The following TMOD1 variants were observed in gnomAD, a reference collection of about 807,000 sequenced individuals.
The protein encoded by TMOD1 is tropomodulin 1.
Under a neutral mutation model 40.6 loss-of-function variants are expected in TMOD1, and 17 were observed. The observed-to-expected ratio is 0.42, with a 90% CI of 0.29 to 0.63. The LOEUF (loss-of-function observed/expected upper bound fraction) is 0.63. Ranked by LOEUF, TMOD1 falls within the 20% of genes least tolerant of loss-of-function variation. The pLI is 0.22. For missense variants in TMOD1, 391 were observed against 447.6 expected (o/e 0.87, Z 1.14); for synonymous variants, 181 against 175.0 (o/e 1.03, Z -0.27).
intron 2 of TMOD1, among the ~76,000 whole-genome samples, chr9:97,525,622 C>T (rs1223103955): frequency 6.6e-6 from 1 of 152,220 alleles, no homozygotes. Context: ...TTTCCATTGA[C>T]CCTAATCACA....
chr9:97,520,231 C>A (rs1477004127), intron 1 of TMOD1, among the ~76,000 whole-genome samples: 1 of 152,076 alleles, frequency 6.6e-6, no homozygotes, highest in Admixed American at 6.6e-5. Context: ...AGGGAAGGAA[C>A]TTAGCAAGGG....
At chr9:97,574,831 C>T (rs1355015320) in intron 8 of TMOD1, among the ~76,000 whole-genome samples, 3 of 152,092 alleles carry the variant, frequency 2.0e-5, no homozygotes, top group Non-Finnish European at 2.9e-5. Context: ...CTTTTGTGTC[C>T]ACACTCTGTA....
intron 8 of TMOD1, among the ~76,000 whole-genome samples, chr9:97,588,565 G>A (rs562659651): frequency 2.0e-5 from 3 of 151,990 alleles, no homozygotes; most frequent in African/African-American, 7.3e-5. Context: ...TCTTGTGTCT[G>A]TTGAAGCACA....
chr9:97,595,533 C>CT (rs71487335), intron 9 of TMOD1, among the ~76,000 whole-genome samples: 24,779 of 121,598 alleles, frequency 0.2, 2,449 homozygotes, highest in African/African-American at 0.24. Context: ...AACAAATTTC[C>CT]TTTTTTTTTT....
chr9:97,530,243 A>T (rs929828699), intron 2 of TMOD1, among the ~76,000 whole-genome samples: 12 of 152,212 alleles, frequency 7.9e-5, no homozygotes, highest in African/African-American at 2.9e-4. Context: ...GTAAATATTG[A>T]TTGTTAATGA....
chr9:97,587,525 G>A (rs991842059), intron 8 of TMOD1, among the ~76,000 whole-genome samples: 2 of 151,940 alleles, frequency 1.3e-5, no homozygotes, highest in Non-Finnish European at 2.9e-5. Context: ...ATCCTCTTCA[G>A]TGAATGTCTC....
At chr9:97,579,981 C>T (rs1825708091) in intron 8 of TMOD1, among the ~76,000 whole-genome samples, 2 of 152,178 alleles carry the variant, frequency 1.3e-5, no homozygotes, top group African/African-American at 4.8e-5. Flanking sequence ...TCTCTGTCTG[C>T]ACCAGGTACC....
rs368413031 is a variant in TMOD1, at chr9:97,599,684, C to T, written c.1066C>T (p.Arg356Trp). 3.1e-6 allele frequency: 5 copies of T among 1,613,970 alleles called. No homozygotes were observed. Among genetic ancestry groups the T allele is most frequent in the African/African-American group, 1.3e-5 (1 of 74,908 alleles). Reference protein sequence around the residue: ...DLTGPIIPKCRSGV With the variant: ...DLTGPIIPKCWSGV ...GACTGGGCCCATCATTCCCAAGTGCCGGAGTGGTGTCTAGTGTGTGGCGGT... is the reference window on the plus strand; with the variant it reads ...GACTGGGCCCATCATTCCCAAGTGCTGGAGTGGTGTCTAGTGTGTGGCGGT... The change falls in exon 10 of 10, where the codon CGG becomes TGG. Residue 356 changes from arginine to tryptophan, a missense_variant. Coordinates refer to ENST00000259365, the MANE Select transcript of TMOD1 (RefSeq NM_003275.4).
At chr9:97,546,649 G>A (rs992848367) in intron 3 of TMOD1, among the ~76,000 whole-genome samples, 1 of 152,140 alleles carries the variant, frequency 6.6e-6, no homozygotes, top group Non-Finnish European at 1.5e-5. Context: ...AGTTTTGAGA[G>A]TAAAAGAAGA....
chr9:97,572,538 A>T (rs1042159691), intron 8 of TMOD1, among the ~76,000 whole-genome samples: 1 of 151,908 alleles, frequency 6.6e-6, no homozygotes, highest in East Asian at 1.9e-4. Flanking sequence ...GGCTCTGCTG[A>T]CTCAGGCTCA....
At chr9:97,509,506 T>G (rs1197456958) in intron 1 of TMOD1, among the ~76,000 whole-genome samples, 2 of 120,840 alleles carry the variant, frequency 1.7e-5, no homozygotes, top group East Asian at 2.2e-4. Context: ...AGAGGTTTTT[T>G]TTTTTGTTTT....
At chr9:97,514,027 C>T (rs1038234447) in intron 1 of TMOD1, 2 of 152,190 alleles carry the variant, frequency 1.3e-5, no homozygotes, top group Non-Finnish European at 2.9e-5. Flanking sequence ...TTCAGAGGGA[C>T]ACTGTGCTTG....
chr9:97,581,616 G>A (rs2131282637), intron 8 of TMOD1, among the ~76,000 whole-genome samples: 1 of 150,786 alleles, frequency 6.6e-6, no homozygotes, highest in South Asian at 2.1e-4. Context: ...CACCAACAGT[G>A]TAAAAGTGTT....
chr9:97,600,707 C>T lies in TMOD1; in HGVS notation c.*1009C>T, dbSNP rs1442561579. The T allele has an allele frequency of 8.0e-6, 8 of 1,003,920 alleles. No individual in the cohort carries two copies. The highest frequency in any genetic ancestry group is 5.2e-5 in the African/African-American group (3 of 57,586). The allele number at this position is 1,003,920 out of a possible 1,614,324, so 62.2% of individuals were successfully genotyped here. A position where few individuals can be genotyped will look rare whatever the true frequency, so the allele number is the denominator to read the frequency against. ...TGTATATTAAGCCTCCGCAGGATGC[C>T]GGACAATGGTGAAGAAACTCCAGAT... is the stretch of plus-strand genomic sequence containing the variant. On this transcript the variant is annotated 3_prime_UTR_variant, in exon 10 of 10. Transcript: ENST00000259365.
At chr9:97,552,750 C>T (rs1830473279) in intron 3 of TMOD1, among the ~76,000 whole-genome samples, 1 of 152,176 alleles carries the variant, frequency 6.6e-6, no homozygotes, top group African/African-American at 2.4e-5. Flanking sequence ...ATTTCTTCAC[C>T]AGTTCCTATG....
At chr9:97,524,543 CAGAG>C (rs1829974177) in intron 2 of TMOD1, among the ~76,000 whole-genome samples, 1 of 74,444 alleles carries the variant, frequency 1.3e-5, no homozygotes. Flanking sequence ...TGTGTCGAGA[CAGAG>C]AGAGAAGGGG....
intron 7 of TMOD1, 86 bp downstream of exon 7, chr9:97,566,041 C>G: frequency 3.4e-6 from 4 of 1,179,502 alleles, no homozygotes; most frequent in Non-Finnish European, 5.0e-6. Context: ...CTGGTTGTAT[C>G]CCACTAACAA....
chr9:97,551,046 T>C (rs1212919129), intron 3 of TMOD1, among the ~76,000 whole-genome samples: 2 of 136,204 alleles, frequency 1.5e-5, no homozygotes, highest in African/African-American at 2.8e-5. Flanking sequence ...TTTTTTTAGA[T>C]GGAGTCTTGC....
intron 2 of TMOD1, among the ~76,000 whole-genome samples, chr9:97,538,630 C>A (rs972416399): frequency 1.3e-5 from 2 of 152,162 alleles, no homozygotes; most frequent in African/African-American, 2.4e-5. Flanking sequence ...CTTTGCTATT[C>A]AGTAAAGTAG....
Sources: allele counts gnomAD v4.1 joint callset (sites outside exome capture counted in the v4.1 genomes callset), GRCh38; gene constraint gnomAD v4.1.1; transcripts MANE v1.5; gene names NCBI Gene and HGNC (gene_info 2026-07-23, HGNC 2026-07-21).